THSD4: variants seen among roughly 807,000 people sequenced by gnomAD.
THSD4 encodes thrombospondin type-1 domain-containing protein 4.
A neutral mutation model predicts 119.0 loss-of-function variants in THSD4; 69 were observed. The ratio of observed to expected loss-of-function variants is 0.58; its 90% confidence interval spans 0.48 to 0.71. The LOEUF (loss-of-function observed/expected upper bound fraction) is 0.71. THSD4 is among the 30% of genes least tolerant of loss of function. THSD4 has a pLI of 0.00. For synonymous variants in THSD4, 524 were observed against 540.4 expected (o/e 0.97, Z 0.42); for missense variants, 1,393 against 1,391.1 (o/e 1.00, Z -0.02).
intron 7 of THSD4, among the ~76,000 whole-genome samples, chr15:71,472,888 T>G (rs2047601768): frequency 6.6e-6 from 1 of 152,186 alleles, no homozygotes; most frequent in African/African-American, 2.4e-5. Context: ...GAGGAGGCAG[T>G]GTGAGTTGTT....
intron 7 of THSD4, among the ~76,000 whole-genome samples, chr15:71,555,091 G>A (rs4461030): frequency 0.35 from 52,445 of 152,002 alleles, 10,507 homozygotes; most frequent in South Asian, 0.48. Context: ...TAAAGAATAT[G>A]CTATTTGGGC....
intron 7 of THSD4, among the ~76,000 whole-genome samples, chr15:71,649,127 C>G (rs554746041): frequency 2.0e-5 from 3 of 152,076 alleles, no homozygotes; most frequent in African/African-American, 4.8e-5. Context: ...CCTTAGGAGT[C>G]CCCCCATCAC....
In THSD4 at chr15:71,187,344, C is replaced by T. The variant is rs567952269; in HGVS notation, c.100-27691C>T. ...CCTGCAGCTTCTATTACTCTTGTGC[C>T]TTTGTCCCCGTGGACTTGGTGAAGG... On this transcript the variant is annotated intron_variant, in intron 3 of 17. Coordinates refer to ENST00000261862, the MANE Select transcript of THSD4 (RefSeq NM_024817.3). The T allele has an allele frequency of 1.5e-3, 236 of 152,804 alleles. 1 individual carries two copies. The highest frequency in any genetic ancestry group is 5.3e-3 in the African/African-American group (221 of 41,556). The allele number at this position is 152,804 out of a possible 1,614,324, so 9.5% of individuals were successfully genotyped here. A position where few individuals can be genotyped will look rare whatever the true frequency, so the allele number is the denominator to read the frequency against.
At chr15:71,527,369 T>A (rs1276884131) in intron 7 of THSD4, among the ~76,000 whole-genome samples, 1 of 152,194 alleles carries the variant, frequency 6.6e-6, no homozygotes, top group Non-Finnish European at 1.5e-5. Context: ...ACAAAAAGGC[T>A]TGTGGTCAGG....
At chr15:71,348,230 A>T (rs1451204499) in intron 6 of THSD4, 3 of 152,198 alleles carry the variant, frequency 2.0e-5, no homozygotes, top group Non-Finnish European at 4.4e-5. Flanking sequence ...CTCCTCCTCC[A>T]GACCAGTGCT....
Position 71,757,987 on chromosome 15 carries a change from G to C in THSD4, c.2501G>C (p.Cys834Ser), listed in dbSNP as rs772918600. The part of the protein sequence containing the change: ...NHVSSLPLEG[C>S]GNNRPAEATP... Reference sequence around the variant, plus strand: ...GTCAGCAGCCTGCCCCTGGAGGGCTGTGGGAACAACCGGCCGGCAGAGGCC... The same window carrying C: ...GTCAGCAGCCTGCCCCTGGAGGGCTCTGGGAACAACCGGCCGGCAGAGGCC... The change falls in exon 15 of 18, where the codon TGT (cysteine) becomes TCT (serine). Residue 834 changes from cysteine to serine, a missense_variant. Coordinates refer to ENST00000261862, the MANE Select transcript of THSD4 (RefSeq NM_024817.3). 1.9e-6 allele frequency: 3 copies of C among 1,614,136 alleles called. No individual in the cohort carries two copies. The highest frequency in any genetic ancestry group is 2.5e-6 in the Non-Finnish European group (3 of 1,180,028).
chr15:71,616,498 G>T (rs772775769), intron 7 of THSD4, among the ~76,000 whole-genome samples: 3 of 152,194 alleles, frequency 2.0e-5, no homozygotes, highest in Non-Finnish European at 2.9e-5. Context: ...GAGATGGCAT[G>T]ATTTAACCTG....
chr15:71,609,868 G>GA (rs1216282660), intron 7 of THSD4, among the ~76,000 whole-genome samples: 3 of 114,496 alleles, frequency 2.6e-5, no homozygotes, highest in South Asian at 3.2e-4. Context: ...AAAAAAAAAA[G>GA]AAAAAAAGAA....
At chr15:71,686,256 A>G (rs1187174941) in intron 8 of THSD4, among the ~76,000 whole-genome samples, 1 of 152,166 alleles carries the variant, frequency 6.6e-6, no homozygotes, top group African/African-American at 2.4e-5. Context: ...TTATTAACCC[A>G]AACTACTTGA....
rs79061659 is a variant in THSD4 at position 71,632,818 on chromosome 15, A to C, written c.1153-27712A>C. On this transcript the variant is annotated intron_variant, in intron 7 of 17. Coordinates refer to ENST00000261862, the MANE Select transcript of THSD4 (RefSeq NM_024817.3). ...ACATTAATAAGAAGACTACACAAAC[A>C]GCTTACATGTGAAATTTTCTCTTGA... is the stretch of plus-strand genomic sequence containing the variant. Among the ~76,000 whole-genome samples the C allele has an allele frequency of 3.9e-5, 6 of 152,358 alleles. No homozygotes were observed. The East Asian group carries it at 9.6e-4, about 24-fold the overall frequency.
At chr15:71,231,608 C>T (rs1402723679) in intron 4 of THSD4, among the ~76,000 whole-genome samples, 1 of 152,142 alleles carries the variant, frequency 6.6e-6, no homozygotes, top group Non-Finnish European at 1.5e-5. Flanking sequence ...TGGGGTCCTT[C>T]TTTCCTAAAG....
chr15:71,564,673 T>C (rs982440600), intron 7 of THSD4, among the ~76,000 whole-genome samples: 1 of 18,672 alleles, frequency 5.4e-5, no homozygotes, highest in African/African-American at 2.7e-4. Context: ...TAGTATATTA[T>C]AACATATAAT....
chr15:71,198,502 C>T (rs912901933), intron 3 of THSD4, among the ~76,000 whole-genome samples: 3 of 152,222 alleles, frequency 2.0e-5, no homozygotes, highest in African/African-American at 7.2e-5. Context: ...GGAGGACCTT[C>T]AGGGGTCACC....
intron 7 of THSD4, among the ~76,000 whole-genome samples, chr15:71,533,608 C>T (rs1217041431): frequency 6.6e-6 from 1 of 152,148 alleles, no homozygotes; most frequent in Non-Finnish European, 1.5e-5. Context: ...GGCTCATGTC[C>T]ACGATTCTCA....
rs545274612 is a variant in THSD4, at chr15:71,231,135, G to A, written c.465-11514G>A. ...ATCACTCTGATGCACAGCAGCACCCGTGAGCACTGTGGTTGGCTTGTTCTT... is the reference window on the plus strand; with the variant it reads ...ATCACTCTGATGCACAGCAGCACCCATGAGCACTGTGGTTGGCTTGTTCTT... On this transcript the variant is annotated intron_variant, in intron 4 of 17. Coordinates refer to ENST00000261862, the MANE Select transcript of THSD4 (RefSeq NM_024817.3). Among the ~76,000 whole-genome samples the A allele has an allele frequency of 2.6e-5, 4 of 152,336 alleles. No individual in the cohort carries two copies. In the South Asian group the frequency reaches 6.2e-4, roughly 24 times the overall value.
intron 7 of THSD4, among the ~76,000 whole-genome samples, chr15:71,459,372 GTCTC>G (rs1227905954): frequency 2.0e-5 from 2 of 99,976 alleles, no homozygotes; most frequent in South Asian, 4.8e-4. Context: ...CTGTCTCTCT[GTCTC>G]TCTGTCTCTC....
chr15:71,723,794 A>G (rs2052767609), intron 8 of THSD4, among the ~76,000 whole-genome samples: 1 of 152,112 alleles, frequency 6.6e-6, no homozygotes, highest in Non-Finnish European at 1.5e-5. Flanking sequence ...AGGGCCAGGC[A>G]CAGTGGCTCA....
chr15:71,748,745 T>C, intron 14 of THSD4, 151 bp downstream of exon 14: 1 of 1,035,012 alleles, frequency 9.7e-7, no homozygotes, highest in South Asian at 1.7e-5. Flanking sequence ...TCGTAGGCTT[T>C]CTATCCTTAT....
At chr15:71,395,312 G>C (rs17726411) in intron 6 of THSD4, among the ~76,000 whole-genome samples, 1 of 152,296 alleles carries the variant, frequency 6.6e-6, no homozygotes, top group African/African-American at 2.4e-5. Flanking sequence ...TGCCGTGAAG[G>C]TGACAGAGGA....
Sources: gnomAD v4.1 joint callset for allele counts (sites outside exome capture counted in the v4.1 genomes callset) on GRCh38, gnomAD v4.1.1 for gene constraint, MANE v1.5 for transcripts, NCBI Gene and HGNC (gene_info 2026-07-23, HGNC 2026-07-21) for gene names.